The following SF3B1 variants were observed in gnomAD, a reference collection of about 807,000 sequenced individuals.
The protein encoded by SF3B1 is splicing factor 3b subunit 1.
SF3B1 carries 12 observed loss-of-function variants against 153.8 expected under a neutral mutation model. The observed-to-expected ratio is 0.08, with a 90% CI of 0.05 to 0.13. The LOEUF (loss-of-function observed/expected upper bound fraction) is 0.13. SF3B1 is among the 10% of genes least tolerant of loss of function. The pLI, the probability that SF3B1 is intolerant of heterozygous loss-of-function variation, is 1.00. For missense variants in SF3B1, 513 were observed against 1,606.1 expected, an observed-to-expected ratio of 0.32 and a Z score of 11.63; for synonymous variants, 498 against 525.2, an observed-to-expected ratio of 0.95 and a Z score of 0.71.
chr2:197,417,261 T>C (rs1052061870), intron 5 of SF3B1, among the ~76,000 whole-genome samples: 3 of 152,184 alleles, frequency 2.0e-5, no homozygotes, highest in Middle Eastern at 3.2e-3. Flanking sequence ...ATTAAGACTA[T>C]GGAACAAGAT....
intron 6 of SF3B1, among the ~76,000 whole-genome samples, chr2:197,411,499 C>T (rs557302543): frequency 6.6e-6 from 1 of 151,794 alleles, no homozygotes; most frequent in Non-Finnish European, 1.5e-5. Context: ...TGGTGAAACC[C>T]CGTCTCTACT....
Position 197,401,776 on chromosome 2 carries a change from G to C in SF3B1, c.2336C>G (p.Ser779Cys), listed in dbSNP as rs1386700733. 1 of 1,611,026 alleles carries C rather than the reference G, an allele frequency of 6.2e-7. No homozygotes were observed. ...AATTTTTTTCATTTCCTCATCAGGAGACTGGAATTCTCGAATAAGGATTAA... is the reference window on the plus strand; with the variant it reads ...AATTTTTTTCATTTCCTCATCAGGACACTGGAATTCTCGAATAAGGATTAA... ...VMLILIREFQSPDEEMKKIVL... is the reference protein window; with the variant it reads ...VMLILIREFQCPDEEMKKIVL... The change falls in exon 16 of 25, where the codon TCT becomes TGT. Residue 779 changes from serine (S) to cysteine (C), a missense_variant. Coordinates refer to ENST00000335508, the MANE Select transcript of SF3B1 (RefSeq NM_012433.4). The surrounding 1 kb of genome is among the most constrained non-coding windows in gnomAD (Gnocchi z 4.2).
intron 1 of SF3B1, among the ~76,000 whole-genome samples, chr2:197,433,197 A>AT (rs1215544413): frequency 6.6e-6 from 1 of 152,254 alleles, no homozygotes; most frequent in Non-Finnish European, 1.5e-5. Context: ...GACATATCCC[A>AT]TAGGGATGGG....
chr2:197,416,952 A>T, intron 5 of SF3B1, 41 bp from the exon 6 acceptor site: 1 of 1,580,524 alleles, frequency 6.3e-7, no homozygotes, highest in Non-Finnish European at 8.6e-7. Flanking sequence ...AATGCTTTCA[A>T]TGTATTTTTC....
intron 20 of SF3B1, 76 bp from the exon 21 acceptor site, chr2:197,398,657 C>CAT: frequency 7.7e-7 from 1 of 1,304,356 alleles, no homozygotes; most frequent in Non-Finnish European, 1.1e-6. Context: ...TTAGCAATGT[C>CAT]ATATATGACT....
intron 11 of SF3B1, chr2:197,404,620 T>C (rs1445436044): frequency 1.3e-5 from 2 of 151,978 alleles, no homozygotes; most frequent in East Asian, 3.9e-4. Flanking sequence ...AGCAAAAAAG[T>C]TAAATCCTTC....
intron 6 of SF3B1, among the ~76,000 whole-genome samples, chr2:197,413,489 A>C (rs535212866): frequency 6.6e-6 from 1 of 152,330 alleles, no homozygotes; most frequent in East Asian, 1.9e-4. Context: ...TAACCAAGCA[A>C]ATGAGAAGTC....
chr2:197,422,116 T>G (rs1232385550), intron 2 of SF3B1, among the ~76,000 whole-genome samples: 1 of 152,156 alleles, frequency 6.6e-6, no homozygotes, highest in African/African-American at 2.4e-5. Flanking sequence ...AAGTGACAAT[T>G]TCCCCCTCAG....
intron 1 of SF3B1, among the ~76,000 whole-genome samples, chr2:197,429,426 G>A (rs1268870282): frequency 6.6e-6 from 1 of 152,178 alleles, no homozygotes; most frequent in Non-Finnish European, 1.5e-5. Flanking sequence ...GCTGTTTGCA[G>A]TGATTACAAG....
chr2:197,427,470 GAACT>G (rs2085352821), intron 1 of SF3B1, among the ~76,000 whole-genome samples: 2 of 152,168 alleles, frequency 1.3e-5, no homozygotes, highest in South Asian at 4.1e-4. Flanking sequence ...GCAATTCAGA[GAACT>G]AAAAACTCAG....
At chr2:197,423,695 A>C (rs542119085) in intron 2 of SF3B1, 113 bp downstream of exon 2, 11 of 1,013,710 alleles carry the variant, frequency 1.1e-5, no homozygotes, top group Middle Eastern at 2.5e-4. Flanking sequence ...TTATCCTCTA[A>C]AAGATCCCAA....
intron 1 of SF3B1, among the ~76,000 whole-genome samples, chr2:197,425,330 G>A (rs1386733989): frequency 6.6e-6 from 1 of 152,042 alleles, no homozygotes; most frequent in Non-Finnish European, 1.5e-5. Context: ...GCCGGGCATG[G>A]TGGCAGGCGC....
Position 197,416,133 on chromosome 2 carries a change from TA to T in SF3B1, c.666+607del, listed in dbSNP as rs200550226. Among the ~76,000 whole-genome samples the T allele has an allele frequency of 5.1e-3, 706 of 139,320 alleles. 10 individuals carry two copies. Among genetic ancestry groups the T allele is most frequent in the East Asian group, 0.031 (154 of 4,928 alleles). 91.4% of individuals were successfully genotyped at this position (139,320 alleles called of 152,430 possible). On this transcript the variant is annotated intron_variant, in intron 6 of 24. Transcript: ENST00000335508. Reference sequence around the variant, plus strand: ...GCATTCAGCCTCCAAAACAAATGTTTAAAAAAAAAAAAAGGTAGGAGAGTAG... The same window carrying T: ...GCATTCAGCCTCCAAAACAAATGTTTAAAAAAAAAAAAGGTAGGAGAGTAG...
chr2:197,396,351 C>CA, intron 22 of SF3B1, 23 bp from the exon 23 acceptor site: 2 of 1,583,244 alleles, frequency 1.3e-6, no homozygotes. Context: ...AATGGGTCAA[C>CA]AAGCTGTTAC....
chr2:197,398,296 C>T (rs918075525), intron 21 of SF3B1, among the ~76,000 whole-genome samples, 165 bp downstream of exon 21: 4 of 152,036 alleles, frequency 2.6e-5, no homozygotes, highest in Non-Finnish European at 5.9e-5. Flanking sequence ...ACATTGCCAC[C>T]CCCATTACCA....
At chr2:197,414,319 A>T (rs555479604) in intron 6 of SF3B1, among the ~76,000 whole-genome samples, 5 of 152,250 alleles carry the variant, frequency 3.3e-5, no homozygotes, top group African/African-American at 9.6e-5. Context: ...CAGCTATCTT[A>T]TACAAACGGT....
intron 23 of SF3B1, among the ~76,000 whole-genome samples, chr2:197,395,164 A>C (rs911487804): frequency 5.3e-5 from 8 of 152,232 alleles, no homozygotes; most frequent in Admixed American, 6.5e-5. Flanking sequence ...TGCAGGTGAC[A>C]TACATTAATG....
At position 197,390,631 on chromosome 2, in the gene SF3B1, C is replaced by CG. The variant is rs1256606814; in HGVS notation, c.*1671dup. Reference sequence around the variant, plus strand: ...GTCAATTTTTTTTTTTTTTTTGAGACGGAGTCTCTGTCGCCCAGGCTGGAG... The same window carrying CG: ...GTCAATTTTTTTTTTTTTTTTGAGACGGGAGTCTCTGTCGCCCAGGCTGGAG... On this transcript the variant is annotated 3_prime_UTR_variant, in exon 25 of 25. Transcript: ENST00000335508. The CG allele has an allele frequency of 6.4e-5, 9 of 140,480 alleles. No individual in the cohort carries two copies. The highest frequency in any genetic ancestry group is 5.1e-4 in the Admixed American group (7 of 13,618). 8.7% of individuals were successfully genotyped at this position (140,480 alleles called of 1,614,324 possible).
chr2:197,420,982 C>A, intron 3 of SF3B1, 47 bp downstream of exon 3: 1 of 1,180,306 alleles, frequency 8.5e-7, no homozygotes, highest in South Asian at 1.3e-5. Flanking sequence ...CTCAGACATT[C>A]ACTTTTCTTT....
Sources: allele counts gnomAD v4.1 joint callset (sites outside exome capture counted in the v4.1 genomes callset), GRCh38; gene constraint gnomAD v4.1.1; non-coding constraint Gnocchi (gnomAD v3.1); transcripts MANE v1.5; gene names NCBI Gene and HGNC (gene_info 2026-07-23, HGNC 2026-07-21).